The following ALKBH7 variants were observed in gnomAD, a reference collection of about 807,000 sequenced individuals.
The protein encoded by ALKBH7 is alkB homolog 7, RNA demethylase.
In ALKBH7, 21 loss-of-function variants were observed where a neutral mutation model predicts 19.3. That is an observed-to-expected ratio of 1.09 (90% CI 0.77 to 1.56). The LOEUF is 1.56. ALKBH7 is among the 40% of genes most tolerant of loss of function. The pLI is 0.00. For missense variants in ALKBH7, 354 were observed against 311.4 expected (o/e 1.14, Z -1.03); for synonymous variants, 147 against 139.5 (o/e 1.05, Z -0.38).
In ALKBH7 at chr19:6,372,901, C is replaced by T. The variant is rs1289163508; in HGVS notation, c.81C>T (p.Ser27=). 1.3e-6 allele frequency: 2 copies of T among 1,553,582 alleles called. No individual in the cohort carries two copies. The highest frequency in any genetic ancestry group is 2.3e-4 in the Middle Eastern group (1 of 4,364). The part of the protein sequence containing the change: ...WVRGSGPSVL[S]RLQDAAVVRP... Reference sequence around the variant, plus strand: ...GAGGCTCGGGCCCTTCCGTGCTGAGCCGCCTGCAGGACGCGGCCGTGGTGC... The same window carrying T: ...GAGGCTCGGGCCCTTCCGTGCTGAGTCGCCTGCAGGACGCGGCCGTGGTGC... Residue 27 remains serine, a synonymous_variant, in exon 1 of 4, where the codon AGC becomes AGT. Coordinates refer to ENST00000245812, the MANE Select transcript of ALKBH7 (RefSeq NM_032306.4).
chr19:6,374,000 T>TCA, intron 1 of ALKBH7: 2 of 985,090 alleles, frequency 2.0e-6, no homozygotes, highest in Non-Finnish European at 2.4e-6. Flanking sequence ...ATTGGGGACC[T>TCA]GGAATTGTAG....
Position 6,372,857 on chromosome 19 carries a change from C to T in ALKBH7, c.37C>T (p.Pro13Ser). 1 of 1,549,686 alleles carries T rather than the reference C, an allele frequency of 6.5e-7. No homozygotes were observed. Among genetic ancestry groups the T allele is most frequent in the East Asian group, 2.4e-5 (1 of 41,568 alleles). ...TGGGCTGCTGGCGCTGCGGACGCTG[C>T]CAGGGCCCAGCTGGGTGCGAGGCTC... is the stretch of plus-strand genomic sequence containing the variant. Reference protein sequence around the residue: ...GTGLLALRTLPGPSWVRGSGP... With the variant: ...GTGLLALRTLSGPSWVRGSGP... The change falls in exon 1 of 4, where the codon CCA (proline) becomes TCA (serine). Residue 13 changes from proline (P) to serine (S), a missense_variant. Coordinates refer to ENST00000245812, the MANE Select transcript of ALKBH7 (RefSeq NM_032306.4).
chr19:6,372,837 TGCTGG>T lies in ALKBH7; in HGVS notation c.18_22del (p.Leu7AlafsTer160), dbSNP rs1212328766. ...TCCGGGATTATGGCCGGGACTGGGC[TGCTGG>T]CGCTGCGGACGCTGCCAGGGCCCAG... On this transcript the variant is annotated frameshift_variant, in exon 1 of 4. Transcript: ENST00000245812. LOFTEE classifies it high-confidence loss of function. The T allele has an allele frequency of 1.3e-6, 2 of 1,545,902 alleles. No homozygotes were observed. The highest frequency in any genetic ancestry group is 1.7e-6 in the Non-Finnish European group (2 of 1,149,744).
chr19:6,373,170 G>A, intron 1 of ALKBH7, 146 bp downstream of exon 1: 1 of 1,143,024 alleles, frequency 8.7e-7, no homozygotes, highest in South Asian at 1.6e-5. Context: ...CGAGCGCCGG[G>A]ACCGGGCAGG....
rs922259002 is a variant in ALKBH7 at position 6,372,883 on chromosome 19, G to A, written c.63G>A (p.Ser21=). The A allele has an allele frequency of 5.8e-6, 9 of 1,550,588 alleles. No homozygotes were observed. The highest frequency in any genetic ancestry group is 2.4e-5 in the East Asian group (1 of 41,446). ...CAGGGCCCAGCTGGGTGCGAGGCTC[G>A]GGCCCTTCCGTGCTGAGCCGCCTGC... is the stretch of plus-strand genomic sequence containing the variant. ...TLPGPSWVRG[S]GPSVLSRLQD... Residue 21 remains serine (S), a synonymous_variant, in exon 1 of 4, where the codon TCG becomes TCA. Coordinates refer to ENST00000245812, the MANE Select transcript of ALKBH7 (RefSeq NM_032306.4).
At position 6,375,206 on chromosome 19, in the gene ALKBH7, C is replaced by T; in HGVS notation, c.*233C>T. ...GCTGGTCGCCCCAGCCCACTCCCCT[C>T]CTCGTTGTCTCTGCATCCAGGTCTC... On this transcript the variant is annotated 3_prime_UTR_variant, in exon 4 of 4. Transcript: ENST00000245812. The T allele has an allele frequency of 7.4e-7, 1 of 1,359,760 alleles. No homozygotes were observed. Among genetic ancestry groups the T allele is most frequent in the Non-Finnish European group, 9.5e-7 (1 of 1,051,318 alleles). The allele number at this position is 1,359,760 out of a possible 1,614,324, so 84.2% of individuals were successfully genotyped here. A position where few individuals can be genotyped will look rare whatever the true frequency, so the allele number is the denominator to read the frequency against.
rs566972176 is a variant in ALKBH7 at position 6,374,211 on chromosome 19, C to A, written c.213C>A (p.His71Gln). Residue 71 changes from histidine (H) to glutamine (Q), a missense_variant, in exon 2 of 4, where the codon CAC becomes CAA. His to Gln is a conservative substitution (Grantham distance 24). Coordinates refer to ENST00000245812, the MANE Select transcript of ALKBH7 (RefSeq NM_032306.4). ...CCGAGCTCTCTGTGCAGGCCATCCACGGCTTCCGAGAGACAGAGAAGTCGC... is the reference window on the plus strand; with the variant it reads ...CCGAGCTCTCTGTGCAGGCCATCCAAGGCTTCCGAGAGACAGAGAAGTCGC... ...YEYDHWDAAI[H>Q]GFRETEKSRW... 10 of 1,612,928 alleles carry A rather than the reference C, an allele frequency of 6.2e-6. No individual in the cohort carries two copies. In the Admixed American group the frequency reaches 1.0e-4, roughly 16 times the overall value.
chr19:6,374,044 C>A (rs1447327998), intron 1 of ALKBH7, 159 bp from the exon 2 acceptor site: 1 of 985,060 alleles, frequency 1.0e-6, no homozygotes, highest in Non-Finnish European at 1.2e-6. Flanking sequence ...GAGGTCACAC[C>A]TAGGTAGGGC....
Position 6,374,509 on chromosome 19 carries a change from C to T in ALKBH7, c.423C>T (p.Ser141=), listed in dbSNP as rs761446783. 3 of 1,614,024 alleles carry T rather than the reference C, an allele frequency of 1.9e-6. No individual in the cohort carries two copies. The highest frequency in any genetic ancestry group is 2.2e-5 in the South Asian group (2 of 91,082). ...CCGGCCTGTCTCTCCTGTCTCCCAGCGTTATGCGGCTGGTGCACACCCAGG... is the reference window on the plus strand; with the variant it reads ...CCGGCCTGTCTCTCCTGTCTCCCAGTGTTATGCGGCTGGTGCACACCCAGG... ...TIAGLSLLSP[S]VMRLVHTQEP... The change falls in exon 3 of 4, where the codon AGC becomes AGT. Residue 141 remains serine, a synonymous_variant. Transcript: ENST00000245812.
At position 6,374,510 on chromosome 19, in the gene ALKBH7, G is replaced by A. The variant is rs765650820; in HGVS notation, c.424G>A (p.Val142Ile). The change falls in exon 3 of 4, where the codon GTT becomes ATT. Residue 142 changes from valine (V) to isoleucine (I), a missense_variant. By Grantham distance (29) the Val-to-Ile change is conservative. Coordinates refer to ENST00000245812, the MANE Select transcript of ALKBH7 (RefSeq NM_032306.4). ...IAGLSLLSPS[V>I]MRLVHTQEPG... is the part of the protein sequence containing the mutation. ...CGGCCTGTCTCTCCTGTCTCCCAGC[G>A]TTATGCGGCTGGTGCACACCCAGGA... is the stretch of plus-strand genomic sequence containing the variant. The A allele has an allele frequency of 6.2e-7, 1 of 1,614,040 alleles. No homozygotes were observed.
intron 1 of ALKBH7, 81 bp from the exon 2 acceptor site, chr19:6,374,122 C>T (rs917751476): frequency 2.5e-6 from 4 of 1,584,436 alleles, no homozygotes; most frequent in African/African-American, 1.4e-5. Context: ...AAACCAGCCC[C>T]TTGCCGTTTT....
At position 6,372,870 on chromosome 19, in the gene ALKBH7, G is replaced by A. The variant is rs770501396; in HGVS notation, c.50G>A (p.Trp17Ter). 2.6e-6 allele frequency: 4 copies of A among 1,550,832 alleles called. No individual in the cohort carries two copies. The highest frequency in any genetic ancestry group is 2.4e-5 in the East Asian group (1 of 41,566). ...CTGCGGACGCTGCCAGGGCCCAGCTGGGTGCGAGGCTCGGGCCCTTCCGTG... is the reference window on the plus strand; with the variant it reads ...CTGCGGACGCTGCCAGGGCCCAGCTAGGTGCGAGGCTCGGGCCCTTCCGTG... ...LALRTLPGPSWVRGSGPSVLS... is the reference protein window; with the variant it reads ...LALRTLPGPS Residue 17 changes from tryptophan (W) to a stop codon, truncating the protein, a stop_gained, in exon 1 of 4, where the codon TGG becomes TAG. Coordinates refer to ENST00000245812, the MANE Select transcript of ALKBH7 (RefSeq NM_032306.4). LOFTEE classifies it high-confidence loss of function.
At position 6,374,356 on chromosome 19, in the gene ALKBH7, C is replaced by T. The variant is rs994874498; in HGVS notation, c.358C>T (p.Pro120Ser). ...CCTGGAAGCCCGCGGCTACATCAAG[C>T]CCCACGTGGACAGCATCAAGGTGGG... ...LDLEARGYIKPHVDSIKFCGA... is the reference protein window; with the variant it reads ...LDLEARGYIKSHVDSIKFCGA... Residue 120 changes from proline (P) to serine (S), a missense_variant, in exon 2 of 4, where the codon CCC (proline) becomes TCC (serine). By Grantham distance (74) the Pro-to-Ser change is moderately conservative. Coordinates refer to ENST00000245812, the MANE Select transcript of ALKBH7 (RefSeq NM_032306.4). The T allele has an allele frequency of 6.2e-7, 1 of 1,610,008 alleles. No individual in the cohort carries two copies. Among genetic ancestry groups the T allele is most frequent in the Non-Finnish European group, 8.5e-7 (1 of 1,178,656 alleles).
At chr19:6,373,625 G>A (rs1485423625) in intron 1 of ALKBH7, 1 of 1,247,126 alleles carries the variant, frequency 8.0e-7, no homozygotes, top group East Asian at 3.2e-5. Flanking sequence ...GCGCCGGGAT[G>A]GGTTGGGGCC....
rs768837517 is a variant in ALKBH7 at position 6,374,940 on chromosome 19, A to C, written c.633A>C (p.Pro211=). The change falls in exon 4 of 4, where the codon CCA becomes CCC. Residue 211 remains proline, a synonymous_variant. Coordinates refer to ENST00000245812, the MANE Select transcript of ALKBH7 (RefSeq NM_032306.4). Reference sequence around the variant, plus strand: ...GCTCCCTCCCTGAGGGCATGGGGCCAGGGGAGTCTGGACAGCCGCCCCCAG... The same window carrying C: ...GCTCCCTCCCTGAGGGCATGGGGCCCGGGGAGTCTGGACAGCCGCCCCCAG... ...ICRSLPEGMG[P]GESGQPPPAC is the part of the protein sequence containing the mutation. 1.6e-5 allele frequency: 26 copies of C among 1,611,116 alleles called. 1 individual carries two copies. In the Admixed American group the frequency reaches 4.2e-4, roughly 26 times the overall value.
At chr19:6,373,678 G>C in intron 1 of ALKBH7, 9 of 1,244,764 alleles carry the variant, frequency 7.2e-6, no homozygotes, top group Non-Finnish European at 8.0e-6. Context: ...AGAGAGGGCA[G>C]AACCACGCTG....
intron 1 of ALKBH7, chr19:6,373,386 G>A (rs2091902060): frequency 2.1e-6 from 1 of 465,190 alleles, no homozygotes; most frequent in Non-Finnish European, 3.7e-6. Context: ...CGCTGGGGGC[G>A]GGGACAGTGG....
rs551702429 is a variant in ALKBH7 at position 6,372,999 on chromosome 19, G to A, written c.179G>A (p.Arg60His). ...RELEPELRRR[R>H]YEYDHWDAAI... Reference sequence around the variant, plus strand: ...CTGGAGCCCGAGCTGCGCCGCCGCCGCTACGAATACGATCACTGGGACGCG... The same window carrying A: ...CTGGAGCCCGAGCTGCGCCGCCGCCACTACGAATACGATCACTGGGACGCG... Residue 60 changes from arginine (R) to histidine (H), a missense_variant, in exon 1 of 4, where the codon CGC becomes CAC. Physicochemically the swap from Arg to His is conservative, Grantham distance 29 (BLOSUM62 0). Transcript: ENST00000245812. 8.9e-6 allele frequency: 14 copies of A among 1,574,702 alleles called. No individual in the cohort carries two copies. The East Asian group carries it at 2.8e-4, about 32-fold the overall frequency.
rs533400873 is a variant in ALKBH7 at position 6,373,090 on chromosome 19, G to C, written c.204+66G>C. 9.7e-4 allele frequency: 1,451 copies of C among 1,501,742 alleles called. 2 individuals are homozygous for C. Among genetic ancestry groups the C allele is most frequent in the Non-Finnish European group, 1.3e-3 (1,415 of 1,126,318 alleles). 93.0% of individuals were successfully genotyped at this position (1,501,742 alleles called of 1,614,324 possible). On this transcript the variant is annotated intron_variant, in intron 1 of 3. Transcript: ENST00000245812. ...CGGGGGCGCGGCCTGGGGACGTGGA[G>C]CATCAGATGGGGCGGGGACACGCTG...
Sources: allele counts gnomAD v4.1 joint callset, GRCh38; gene constraint gnomAD v4.1.1; transcripts MANE v1.5; gene names NCBI Gene and HGNC (gene_info 2026-07-23, HGNC 2026-07-21).